ITIH5: variants seen among roughly 807,000 people sequenced by gnomAD.
The protein encoded by ITIH5 is inter-alpha-trypsin inhibitor heavy chain H5.
Under a neutral mutation model 77.5 loss-of-function variants are expected in ITIH5, and 65 were observed. The ratio of observed to expected loss-of-function variants is 0.84; its 90% CI spans 0.69 to 1.03. The LOEUF (loss-of-function observed/expected upper bound fraction) is 1.03. ITIH5 is among the 50% of genes least tolerant of loss of function. ITIH5 has a pLI of 0.00. For missense variants in ITIH5, 1,208 were observed against 1,213.1 expected, an observed-to-expected ratio of 1.00 and a Z score of 0.06; for synonymous variants, 525 against 494.3, an observed-to-expected ratio of 1.06 and a Z score of -0.82.
At chr10:7,646,100 T>C (rs1049734485) in intron 2 of ITIH5, among the ~76,000 whole-genome samples, 75 of 152,346 alleles carry the variant, frequency 4.9e-4, no homozygotes, top group African/African-American at 1.7e-3. Context: ...GTATAAGAAA[T>C]GCCCCACGGC....
At chr10:7,657,138 G>C (rs1262204156) in intron 1 of ITIH5, among the ~76,000 whole-genome samples, 1 of 145,788 alleles carries the variant, frequency 6.9e-6, no homozygotes, top group East Asian at 2.1e-4. Flanking sequence ...TCCAACTCCC[G>C]GGTTCAAGCG....
At chr10:7,633,704 T>A (rs1336502489) in intron 5 of ITIH5, among the ~76,000 whole-genome samples, 1 of 151,874 alleles carries the variant, frequency 6.6e-6, no homozygotes, top group East Asian at 1.9e-4. Context: ...GTTATAAAAA[T>A]TGCATGAGAT....
At chr10:7,654,475 C>A (rs1283641788) in intron 2 of ITIH5, among the ~76,000 whole-genome samples, 3 of 152,180 alleles carry the variant, frequency 2.0e-5, no homozygotes, top group Non-Finnish European at 4.4e-5. Context: ...GACAGTTTGG[C>A]TTAATGTGCA....
chr10:7,609,384 T>C (rs1014020037), intron 7 of ITIH5: 7 of 451,440 alleles, frequency 1.6e-5, no homozygotes, highest in African/African-American at 1.4e-4. Flanking sequence ...AAACACAAGA[T>C]GTTCCCCAAG....
chr10:7,656,383 T>G (rs1834182005), intron 1 of ITIH5, among the ~76,000 whole-genome samples: 1 of 152,056 alleles, frequency 6.6e-6, no homozygotes, highest in Non-Finnish European at 1.5e-5. Flanking sequence ...TCGGGGTCAT[T>G]TTTGTATTTT....
intron 1 of ITIH5, among the ~76,000 whole-genome samples, chr10:7,663,798 G>A (rs571789764): frequency 1.3e-5 from 2 of 152,270 alleles, no homozygotes; most frequent in South Asian, 4.2e-4. Flanking sequence ...GTCCAGATAT[G>A]AGCCCAGGCA....
At position 7,576,543 on chromosome 10, in the gene ITIH5, T is replaced by C; in HGVS notation, c.1888A>G (p.Met630Val). The C allele has an allele frequency of 6.2e-7, 1 of 1,613,406 alleles. No individual in the cohort carries two copies. The highest frequency in any genetic ancestry group is 2.2e-5 in the East Asian group (1 of 44,874). The change falls in exon 10 of 14, where the codon ATG (methionine) becomes GTG (valine). Residue 630 changes from methionine (M) to valine (V), a missense_variant. Coordinates refer to ENST00000397146, the MANE Select transcript of ITIH5 (RefSeq NM_030569.7). ...CCGTGGGCCTCCTCCAGGCCATCCA[T>C]GCGTGGGACCGGCCCCCTCAGCTTC... ...SMKLRGPVPR[M>V]DGLEEAHGMS...
intron 8 of ITIH5, 76 bp downstream of exon 8, chr10:7,585,825 C>G (rs375053758): frequency 7.6e-5 from 66 of 862,818 alleles, no homozygotes; most frequent in Non-Finnish European, 9.4e-5. Context: ...TATCTCTTGG[C>G]AAAAAAAAAA....
At chr10:7,566,851 GAAGAAGAAGAAGAAGAAGAAGAA>G in intron 12 of ITIH5, among the ~76,000 whole-genome samples, 2 of 23,642 alleles carry the variant, frequency 8.5e-5, no homozygotes, top group African/African-American at 1.7e-4. Flanking sequence ...AGAGGAAGAA[GAAGAAGAAGAAGAAGAAGAAGAA>G]GAAGAAGAAG....
chr10:7,569,958 CCCCAGAATTA>C (rs1832264772), intron 11 of ITIH5, 174 bp from the exon 12 acceptor site: 2 of 517,882 alleles, frequency 3.9e-6, no homozygotes, highest in East Asian at 3.2e-5. Context: ...GGAAACAACT[CCCCAGAATTA>C]CCCAGTGAGT....
intron 6 of ITIH5, 141 bp from the exon 7 acceptor site, chr10:7,616,239 A>T: frequency 1.6e-6 from 1 of 611,724 alleles, no homozygotes; most frequent in Non-Finnish European, 3.0e-6. Context: ...GAGTAAAATT[A>T]TCTAAGGCCC....
intron 7 of ITIH5, among the ~76,000 whole-genome samples, chr10:7,610,145 A>G (rs1833215796): frequency 6.8e-6 from 1 of 146,370 alleles, no homozygotes; most frequent in African/African-American, 2.5e-5. Context: ...GGAGGTAGAA[A>G]CCCTGCCTGA....
chr10:7,595,216 C>T (rs984663571), intron 7 of ITIH5, among the ~76,000 whole-genome samples: 2 of 151,854 alleles, frequency 1.3e-5, no homozygotes, highest in African/African-American at 4.8e-5. Context: ...GAGACCCTAG[C>T]TCTAAAATGT....
intron 4 of ITIH5, among the ~76,000 whole-genome samples, chr10:7,639,016 T>G (rs1251843754): frequency 6.6e-6 from 1 of 152,202 alleles, no homozygotes; most frequent in Non-Finnish European, 1.5e-5. Context: ...GAAAAGCAGT[T>G]AGAAACTCCA....
At chr10:7,635,714 T>C (rs2131070932) in intron 5 of ITIH5, among the ~76,000 whole-genome samples, 1 of 152,274 alleles carries the variant, frequency 6.6e-6, no homozygotes, top group South Asian at 2.1e-4. Flanking sequence ...GGGGAGAAAG[T>C]GTATTTTCCG....
intron 2 of ITIH5, among the ~76,000 whole-genome samples, chr10:7,646,346 T>C (rs1834010170): frequency 6.6e-6 from 1 of 152,172 alleles, no homozygotes; most frequent in Non-Finnish European, 1.5e-5. Flanking sequence ...AAAATGAAAA[T>C]AGCAGTCTCC....
intron 1 of ITIH5, among the ~76,000 whole-genome samples, chr10:7,663,180 C>G (rs1834306719): frequency 6.6e-6 from 1 of 152,222 alleles, no homozygotes; most frequent in Admixed American, 6.5e-5. Context: ...CACCTACACT[C>G]CAATCCAGGC....
chr10:7,640,639 A>G lies in ITIH5; in HGVS notation c.401+115T>C. 1.1e-5 allele frequency: 7 copies of G among 663,280 alleles called. No individual in the cohort carries two copies. The South Asian group carries it at 1.3e-4, about 12-fold the overall frequency. The allele number at this position is 663,280 out of a possible 1,614,324, so 41.1% of individuals were successfully genotyped here. ...AGATGTATTTATATTTTGATAAAAA[A>G]GAAAGAGAAAAGTATTTGGAGGAAA... On this transcript the variant is annotated intron_variant, in intron 4 of 13. Coordinates refer to ENST00000397146, the MANE Select transcript of ITIH5 (RefSeq NM_030569.7).
intron 11 of ITIH5, among the ~76,000 whole-genome samples, chr10:7,571,139 A>G (rs1489505234): frequency 1.3e-5 from 2 of 152,156 alleles, no homozygotes; most frequent in Non-Finnish European, 2.9e-5. Context: ...AAGTGCCTCA[A>G]CTTCCCTGAA....
Sources: gnomAD v4.1 joint callset for allele counts (sites outside exome capture counted in the v4.1 genomes callset) on GRCh38, gnomAD v4.1.1 for gene constraint, MANE v1.5 for transcripts, NCBI Gene and HGNC (gene_info 2026-07-23, HGNC 2026-07-21) for gene names.